The following CLVS1 variants were observed in gnomAD, a reference collection of about 807,000 sequenced individuals.
The protein encoded by CLVS1 is clavesin-1.
Under a neutral mutation model 33.1 loss-of-function variants are expected in CLVS1, and 10 were observed. That is an observed-to-expected ratio of 0.30 (90% CI 0.19 to 0.51). The LOEUF (loss-of-function observed/expected upper bound fraction) is 0.51, where lower values mean the gene tolerates loss of function less well. Among genes scored for constraint, CLVS1 ranks in the 20% least tolerant of loss-of-function variants. The pLI is 0.97. For synonymous variants in CLVS1, 163 were observed against 166.1 expected, an observed-to-expected ratio of 0.98 and a Z score of 0.14; for missense variants, 343 against 433.4, an observed-to-expected ratio of 0.79 and a Z score of 1.85.
At chr8:61,053,185 G>A (rs1804415284), upstream of CLVS1, among the ~76,000 whole-genome samples, 1 of 152,184 alleles carries the variant, frequency 6.6e-6, no homozygotes, top group South Asian at 2.1e-4. Flanking sequence ...ATGGAGGGGT[G>A]GAGTCTGCAG....
At chr8:61,316,624 A>T (rs956343477) in intron 2 of CLVS1, among the ~76,000 whole-genome samples, 3 of 152,238 alleles carry the variant, frequency 2.0e-5, no homozygotes, top group Non-Finnish European at 4.4e-5. Flanking sequence ...AAGTGTAAGG[A>T]CATTAAAAAT....
the CLVS1 span, among the ~76,000 whole-genome samples, chr8:60,995,033 A>C: frequency 4.6e-5 from 7 of 151,964 alleles, no homozygotes; most frequent in African/African-American, 1.5e-4. Flanking sequence ...TAAAGACTTA[A>C]ACGTTAGACC....
intron 5 of CLVS1, among the ~76,000 whole-genome samples, chr8:61,473,683 T>C (rs1276681746): frequency 6.6e-6 from 1 of 152,146 alleles, no homozygotes; most frequent in Non-Finnish European, 1.5e-5. Context: ...GAGAAGAAGA[T>C]GACTCAAAAA....
At chr8:61,363,906 G>A (rs1261605838) in intron 2 of CLVS1, among the ~76,000 whole-genome samples, 1 of 152,152 alleles carries the variant, frequency 6.6e-6, no homozygotes, top group African/African-American at 2.4e-5. Flanking sequence ...GGCGCCATGG[G>A]TGTGTCTGTG....
At chr8:61,266,368 A>G (rs1809303411) in intron 2 of CLVS1, among the ~76,000 whole-genome samples, 1 of 151,032 alleles carries the variant, frequency 6.6e-6, no homozygotes, top group Non-Finnish European at 1.5e-5. Flanking sequence ...CCACTGATCA[A>G]TTGGAACAAA....
intron 3 of CLVS1, among the ~76,000 whole-genome samples, chr8:61,408,688 T>C (rs867378624): frequency 6.6e-6 from 1 of 152,222 alleles, no homozygotes. Context: ...GAGCAATTTA[T>C]AGTCAAGGCC....
chr8:61,208,211 G>T (rs1157324009), intron 2 of CLVS1, among the ~76,000 whole-genome samples: 3 of 152,284 alleles, frequency 2.0e-5, no homozygotes, highest in Admixed American at 6.5e-5. Flanking sequence ...GCTAAGGGAG[G>T]TTATTTATTA....
At chr8:61,485,182 C>A (rs1237345093) in intron 5 of CLVS1, among the ~76,000 whole-genome samples, 1 of 152,062 alleles carries the variant, frequency 6.6e-6, no homozygotes, top group African/African-American at 2.4e-5. Context: ...AGAAAATTTT[C>A]GCAACCTACT....
chr8:61,046,662 C>A, the CLVS1 span, among the ~76,000 whole-genome samples: 1 of 152,010 alleles, frequency 6.6e-6, no homozygotes, highest in South Asian at 2.1e-4. Flanking sequence ...TCTTTTATTT[C>A]ATTGAGCAGT....
At chr8:61,002,434 T>C in the CLVS1 span, among the ~76,000 whole-genome samples, 1 of 150,856 alleles carries the variant, frequency 6.6e-6, no homozygotes, top group South Asian at 2.1e-4. Context: ...GTTCAAGCGA[T>C]TCTCCTCCCT....
At chr8:61,182,211 C>G (rs1031338482) in intron 2 of CLVS1, among the ~76,000 whole-genome samples, 4 of 152,032 alleles carry the variant, frequency 2.6e-5, no homozygotes, top group African/African-American at 9.7e-5. Flanking sequence ...AATGCAAAAC[C>G]CAAAACCATA....
At chr8:61,177,792 A>G (rs1006033880) in intron 2 of CLVS1, among the ~76,000 whole-genome samples, 5 of 141,722 alleles carry the variant, frequency 3.5e-5, no homozygotes, top group African/African-American at 1.4e-4. Flanking sequence ...GAAAGAAACA[A>G]CAACAGCATC....
intron 1 of CLVS1, among the ~76,000 whole-genome samples, chr8:61,108,551 A>G (rs1471376580): frequency 2.0e-5 from 3 of 152,214 alleles, no homozygotes; most frequent in Non-Finnish European, 4.4e-5. Flanking sequence ...GAAGGATGAA[A>G]GAGACATATA....
chr8:61,286,647 A>G (rs1809788002), upstream of CLVS1, among the ~76,000 whole-genome samples: 1 of 152,254 alleles, frequency 6.6e-6, no homozygotes, highest in African/African-American at 2.4e-5. Flanking sequence ...GAATGACTAA[A>G]CAAATAAGTA....
intron 2 of CLVS1, among the ~76,000 whole-genome samples, chr8:61,344,468 C>T (rs912712701): frequency 2.6e-5 from 4 of 152,174 alleles, no homozygotes; most frequent in Admixed American, 6.5e-5. Context: ...TTCAGTAGGA[C>T]CAGGCAGGGC....
At chr8:61,442,203 T>C (rs934583483) in intron 3 of CLVS1, among the ~76,000 whole-genome samples, 5 of 152,190 alleles carry the variant, frequency 3.3e-5, no homozygotes, top group African/African-American at 4.8e-5. Context: ...GAGTATGTAA[T>C]TTTGGGGGGA....
chr8:61,059,461 TAC>T (rs1245662024), intron 1 of CLVS1, among the ~76,000 whole-genome samples: 2 of 85,546 alleles, frequency 2.3e-5, no homozygotes, highest in African/African-American at 1.2e-4. Context: ...CACACACATA[TAC>T]ATACATACAT....
intron 2 of CLVS1, among the ~76,000 whole-genome samples, chr8:61,167,968 C>T (rs149917980): frequency 1.3e-3 from 199 of 152,296 alleles, no homozygotes; most frequent in Non-Finnish European, 1.5e-3. Context: ...AGGCAACCAG[C>T]GGCCCCCAGG....
At chr8:61,232,041 T>TTTTTTTTTTTTTTTTGTTTTG (rs1554548394) in intron 2 of CLVS1, among the ~76,000 whole-genome samples, 44 of 116,010 alleles carry the variant, frequency 3.8e-4, no homozygotes, top group African/African-American at 1.6e-3. Context: ...TTTTTTTTTT[T>TTTTTTTTTTTTTTTTGTTTTG]TTTTTTTTTG....
Sources: gnomAD v4.1 joint callset for allele counts (sites outside exome capture counted in the v4.1 genomes callset) on GRCh38, gnomAD v4.1.1 for gene constraint, MANE v1.5 for transcripts, NCBI Gene and HGNC (gene_info 2026-07-23, HGNC 2026-07-21) for gene names.